ZFTA: variants seen among roughly 807,000 people sequenced by gnomAD.
The protein encoded by ZFTA is zinc finger translocation associated, also known as zinc finger translocation-associated protein.
ZFTA carries 35 observed loss-of-function variants against 41.8 expected under a neutral mutation model. The observed-to-expected ratio is 0.84, with a 90% confidence interval of 0.64 to 1.11. The LOEUF is 1.11. ZFTA is among the 50% of genes most tolerant of loss of function. The pLI is 0.00. For missense variants in ZFTA, 964 were observed against 989.8 expected (o/e 0.97, Z 0.35); for synonymous variants, 514 against 436.4 (o/e 1.18, Z -2.22).
In ZFTA at chr11:63,765,362, T is replaced by A; in HGVS notation, c.638-108A>T. 8.1e-7 allele frequency: 1 copy of A among 1,235,098 alleles called. No homozygotes were observed. Among genetic ancestry groups the A allele is most frequent in the Non-Finnish European group, 1.1e-6 (1 of 937,140 alleles). The allele number at this position is 1,235,098 out of a possible 1,614,324, so 76.5% of individuals were successfully genotyped here. On this transcript the variant is annotated intron_variant, in intron 2 of 4. Transcript: ENST00000433688. The surrounding 1 kb of genome is among the most constrained non-coding windows in gnomAD (Gnocchi z 4.0). ...ACTCACTTGGGCCCCAGGCCTAACC[T>A]TTGCCCTTCTCTTCCTCTCTCCTGA...
intron 1 of ZFTA, 142 bp from the exon 2 acceptor site, chr11:63,766,446 G>C: frequency 8.5e-7 from 1 of 1,170,016 alleles, no homozygotes; most frequent in Non-Finnish European, 1.1e-6. Context: ...GCAATAAAAG[G>C]GATGGTAGAA....
In ZFTA at chr11:63,765,197, G is replaced by A. The variant is rs1193293613; in HGVS notation, c.695C>T (p.Pro232Leu). The A allele has an allele frequency of 1.3e-6, 2 of 1,503,252 alleles. No homozygotes were observed. The allele number at this position is 1,503,252 out of a possible 1,614,324, so 93.1% of individuals were successfully genotyped here. A position where few individuals can be genotyped will look rare whatever the true frequency, so the allele number is the denominator to read the frequency against. The change falls in exon 3 of 5, where the codon CCC becomes CTC. Residue 232 changes from proline to leucine, a missense_variant. Physicochemically the swap from Pro to Leu is moderately conservative, Grantham distance 98 (BLOSUM62 -3). Around this residue, in one of 5 missense-constraint regions of ZFTA, gnomAD observed 584 missense variants for 523.1 expected, o/e 1.12. Coordinates refer to ENST00000433688, the MANE Select transcript of ZFTA (RefSeq NM_001144936.2). This position sits in a 1 kb window ranked among gnomAD's most constrained non-coding sequence, Gnocchi z 4.0. ...RRQRRGGPVAPRARRLRLSAS... is the reference protein window; with the variant it reads ...RRQRRGGPVALRARRLRLSAS... ...TGAGAGGCGCAGACGCCGAGCCCGG[G>A]GTGCCACTGGGCCCCCTCGCCGCTG...
Position 63,765,864 on chromosome 11 carries a change from C to T in ZFTA, c.580G>A (p.Glu194Lys). 1 of 973,862 alleles carries T rather than the reference C, an allele frequency of 1.0e-6. No homozygotes were observed. Among genetic ancestry groups the T allele is most frequent in the East Asian group, 5.0e-5 (1 of 20,030 alleles). 60.3% of individuals were successfully genotyped at this position (973,862 alleles called of 1,614,324 possible). A position where few individuals can be genotyped will look rare whatever the true frequency, so the allele number is the denominator to read the frequency against. The change falls in exon 2 of 5, where the codon GAA (glutamate) becomes AAA (lysine). Residue 194 changes from glutamate (E) to lysine (K), a missense_variant. By Grantham distance (56) the Glu-to-Lys change is moderately conservative. Transcript: ENST00000433688. The surrounding 1 kb of genome is among the most constrained non-coding windows in gnomAD (Gnocchi z 4.0). ...GCCCCCTCCTCCTCCTCCTCTTCTT[C>T]CTCCTCCTCCTCCTCCTCAGCCCCC... ...VQGAEEEEEE[E>K]EEEEEEGAGV...
chr11:63,768,658 GGC>G lies in ZFTA; in HGVS notation c.-38_-37del. ...GCGGAGCGGGGCCCCGGGGCGGCGG[GGC>G]GCGGGGCCGCGGGGCCGGCGGCAGC... On this transcript the variant is annotated 5_prime_UTR_variant, in exon 1 of 5. Transcript: ENST00000433688. 1 of 964,716 alleles carries G rather than the reference GGC, an allele frequency of 1.0e-6. No individual in the cohort carries two copies. Among genetic ancestry groups the G allele is most frequent in the Non-Finnish European group, 1.2e-6 (1 of 815,500 alleles). The allele number at this position is 964,716 out of a possible 1,614,324, so 59.8% of individuals were successfully genotyped here.
Position 63,768,751 on chromosome 11 carries a change from A to G in ZFTA, c.-129T>C, listed in dbSNP as rs2014790593. ...GCGCATGCACGGGGCGGCCGGCCGC[A>G]CGGACGGCAGGCTGCTCGCTCGGCG... is the stretch of plus-strand genomic sequence containing the variant. On this transcript the variant is annotated 5_prime_UTR_variant, in exon 1 of 5. Coordinates refer to ENST00000433688, the MANE Select transcript of ZFTA (RefSeq NM_001144936.2). 4.2e-6 allele frequency: 1 copy of G among 237,172 alleles called. No individual in the cohort carries two copies. The highest frequency in any genetic ancestry group is 1.5e-4 in the South Asian group (1 of 6,522). 14.7% of individuals were successfully genotyped at this position (237,172 alleles called of 1,614,324 possible).
chr11:63,766,114 C>A lies in ZFTA; in HGVS notation c.330G>T (p.Arg110=). ...GGTTGAAGTCCATCAGGTACTCCAG[C>A]CGCCAGTGGTCGTGGTAGTAGCGCC... The part of the protein sequence containing the change: ...DHRRYYHDHW[R]LEYLMDFNPA... Residue 110 remains arginine, a synonymous_variant, in exon 2 of 5, where the codon CGG becomes CGT. Transcript: ENST00000433688. The A allele has an allele frequency of 1.3e-6, 2 of 1,521,340 alleles. No homozygotes were observed. The highest frequency in any genetic ancestry group is 8.9e-7 in the Non-Finnish European group (1 of 1,129,890). The allele number at this position is 1,521,340 out of a possible 1,614,324, so 94.2% of individuals were successfully genotyped here.
In ZFTA at chr11:63,764,347, A is replaced by G. The variant is rs2135093852; in HGVS notation, c.1276T>C (p.Tyr426His). 6.7e-6 allele frequency: 9 copies of G among 1,340,092 alleles called. No homozygotes were observed. In the South Asian group the frequency reaches 1.2e-4, roughly 18 times the overall value. The allele number at this position is 1,340,092 out of a possible 1,614,324, so 83.0% of individuals were successfully genotyped here. Residue 426 changes from tyrosine (Y) to histidine (H), a missense_variant, in exon 4 of 5, where the codon TAC (tyrosine) becomes CAC (histidine). Physicochemically the swap from Tyr to His is moderately conservative, Grantham distance 83. Transcript: ENST00000433688. ...CGGCCGCCGTCCAACTCCATGAGGT[A>G]CTCCAGCCGCCAGCGCTCCTGGGGG... ...RHPQERWRLE[Y>H]LMELDGGRRG...
At position 63,761,157 on chromosome 11, in the gene ZFTA, A is replaced by G. The variant is rs1321476394; in HGVS notation, c.*2261T>C. On this transcript the variant is annotated 3_prime_UTR_variant, in exon 5 of 5. Transcript: ENST00000433688. ...GGCAGTGCCCAGCCTGGTGCCATCC[A>G]TAATCTCCGTTCTCAAGCTTTTAAT... 1 of 152,194 alleles carries G rather than the reference A, an allele frequency of 6.6e-6. No individual in the cohort carries two copies. The highest frequency in any genetic ancestry group is 1.5e-5 in the Non-Finnish European group (1 of 68,018). 9.4% of individuals were successfully genotyped at this position (152,194 alleles called of 1,614,324 possible). A position where few individuals can be genotyped will look rare whatever the true frequency, so the allele number is the denominator to read the frequency against.
chr11:63,763,280 C>T lies in ZFTA; in HGVS notation c.*138G>A. 1.8e-6 allele frequency: 1 copy of T among 553,240 alleles called. No individual in the cohort carries two copies. The highest frequency in any genetic ancestry group is 2.4e-6 in the Non-Finnish European group (1 of 411,522). 34.3% of individuals were successfully genotyped at this position (553,240 alleles called of 1,614,324 possible). ...CACCCGATCCCCCGTCTCCGCCCGGCCCGGCCAGCGGGGGGCGCGGCCGCG... is the reference window on the plus strand; with the variant it reads ...CACCCGATCCCCCGTCTCCGCCCGGTCCGGCCAGCGGGGGGCGCGGCCGCG... On this transcript the variant is annotated 3_prime_UTR_variant, in exon 5 of 5. Coordinates refer to ENST00000433688, the MANE Select transcript of ZFTA (RefSeq NM_001144936.2).
At position 63,761,806 on chromosome 11, in the gene ZFTA, G is replaced by C. The variant is rs1475198939; in HGVS notation, c.*1612C>G. The C allele has an allele frequency of 1.3e-5, 2 of 152,264 alleles. No individual in the cohort carries two copies. The highest frequency in any genetic ancestry group is 2.9e-5 in the Non-Finnish European group (2 of 68,090). 9.4% of individuals were successfully genotyped at this position (152,264 alleles called of 1,614,324 possible). On this transcript the variant is annotated 3_prime_UTR_variant, in exon 5 of 5. Transcript: ENST00000433688. ...AGGAAGCGTCAAGGGGACTGGGCCTGAGGCACTTGAACCTTAGGCTCTGGC... is the reference window on the plus strand; with the variant it reads ...AGGAAGCGTCAAGGGGACTGGGCCTCAGGCACTTGAACCTTAGGCTCTGGC...
chr11:63,766,320 G>C lies in ZFTA; in HGVS notation c.140-16C>G, dbSNP rs2135097078. 7.1e-7 allele frequency: 1 copy of C among 1,417,134 alleles called. No homozygotes were observed. Among genetic ancestry groups the C allele is most frequent in the South Asian group, 1.5e-5 (1 of 65,252 alleles). The allele number at this position is 1,417,134 out of a possible 1,614,324, so 87.8% of individuals were successfully genotyped here. ...AGATCTTGCCCTGAAGAAGGGGAAA[G>C]GGAGACAGTTTTTCAATCTCTGATT... On this transcript the variant is annotated splice_polypyrimidine_tract_variant and intron_variant, in intron 1 of 4. Coordinates refer to ENST00000433688, the MANE Select transcript of ZFTA (RefSeq NM_001144936.2).
At position 63,764,888 on chromosome 11, in the gene ZFTA, T is replaced by C; in HGVS notation, c.1004A>G (p.Glu335Gly). The C allele has an allele frequency of 6.6e-7, 1 of 1,515,826 alleles. No homozygotes were observed. The highest frequency in any genetic ancestry group is 8.8e-7 in the Non-Finnish European group (1 of 1,133,880). 93.9% of individuals were successfully genotyped at this position (1,515,826 alleles called of 1,614,324 possible). Residue 335 changes from glutamate (E) to glycine (G), a missense_variant, in exon 3 of 5, where the codon GAG (glutamate) becomes GGG (glycine). Glu to Gly is a moderately conservative substitution (Grantham distance 98, BLOSUM62 -2). Transcript: ENST00000433688. Reference protein sequence around the residue: ...AWGGQPEALSELTQSPPGDDL... With the variant: ...AWGGQPEALSGLTQSPPGDDL... ...CGCACCTGGTGGGGACTGGGTGAGC[T>C]CAGACAGCGCCTCGGGCTGGCCCCC...
chr11:63,767,224 T>C (rs1041113521), intron 1 of ZFTA: 1 of 152,228 alleles, frequency 6.6e-6, no homozygotes, highest in Non-Finnish European at 1.5e-5. Flanking sequence ...CCCCTCTTGA[T>C]TTAGAAAAAT....
At chr11:63,768,011 G>A (rs2014774136) in intron 1 of ZFTA, among the ~76,000 whole-genome samples, 1 of 152,122 alleles carries the variant, frequency 6.6e-6, no homozygotes, top group African/African-American at 2.4e-5. Context: ...GCCACGAGAC[G>A]AGAGGAGCAG....
intron 1 of ZFTA, among the ~76,000 whole-genome samples, chr11:63,767,136 G>A (rs1430133348): frequency 1.3e-5 from 2 of 152,198 alleles, no homozygotes; most frequent in African/African-American, 2.4e-5. Flanking sequence ...GGGCACTGGA[G>A]AGGCCCCACT....
intron 3 of ZFTA, 23 bp downstream of exon 3, chr11:63,764,845 T>G (rs1451851420): frequency 1.4e-6 from 2 of 1,452,860 alleles, no homozygotes; most frequent in Admixed American, 2.6e-5. Context: ...TGAGGGGGTC[T>G]CAGCCTGGGA....
Position 63,764,983 on chromosome 11 carries a change from G to A in ZFTA, c.909C>T (p.His303=), listed in dbSNP as rs777206808. ...PSLHLDDIRA[H]VLEVHPGSLG... ...GGGAGCCAGGGTGCACCTCCAGCAC[G>A]TGGGCACGGATGTCGTCCAGGTGCA... The change falls in exon 3 of 5, where the codon CAC becomes CAT. Residue 303 remains histidine, a synonymous_variant. Transcript: ENST00000433688. 2 of 1,548,832 alleles carry A rather than the reference G, an allele frequency of 1.3e-6. No homozygotes were observed. Among genetic ancestry groups the A allele is most frequent in the Admixed American group, 2.0e-5 (1 of 50,972 alleles).
In ZFTA at chr11:63,763,174, G is replaced by C. The variant is rs985037359; in HGVS notation, c.*244C>G. ...CCCTGCGCGGGGAGGGCAGGGCTCCGGGCCGATGGGAGAGTGCGCTTCCCG... is the reference window on the plus strand; with the variant it reads ...CCCTGCGCGGGGAGGGCAGGGCTCCCGGCCGATGGGAGAGTGCGCTTCCCG... On this transcript the variant is annotated 3_prime_UTR_variant, in exon 5 of 5. Coordinates refer to ENST00000433688, the MANE Select transcript of ZFTA (RefSeq NM_001144936.2). The C allele has an allele frequency of 3.0e-5, 6 of 199,502 alleles. No individual in the cohort carries two copies. Among genetic ancestry groups the C allele is most frequent in the African/African-American group, 9.5e-5 (4 of 42,238 alleles). 12.4% of individuals were successfully genotyped at this position (199,502 alleles called of 1,614,324 possible).
intron 1 of ZFTA, among the ~76,000 whole-genome samples, chr11:63,766,965 G>A (rs2014756204): frequency 6.6e-6 from 1 of 152,238 alleles, no homozygotes; most frequent in South Asian, 2.1e-4. Flanking sequence ...TTCTGGAGGA[G>A]CCAATGACCC....
Sources: gnomAD v4.1 joint callset for allele counts (sites outside exome capture counted in the v4.1 genomes callset) on GRCh38, gnomAD v4.1.1 for gene constraint, gnomAD v4.1.1 regional missense constraint, Gnocchi (gnomAD v3.1) non-coding constraint, MANE v1.5 for transcripts, NCBI Gene and HGNC (gene_info 2026-07-23, HGNC 2026-07-21) for gene names.